CDKAL1: variants seen among roughly 807,000 people sequenced by gnomAD.
CDKAL1 encodes threonylcarbamoyladenosine tRNA methylthiotransferase.
A neutral mutation model predicts 68.2 loss-of-function variants in CDKAL1; 32 were observed. The ratio of observed to expected loss-of-function variants is 0.47; its 90% CI spans 0.35 to 0.63. The LOEUF is 0.63. Ranked by LOEUF, CDKAL1 falls within the 30% of genes least tolerant of loss-of-function variation. The pLI, the probability that CDKAL1 is intolerant of heterozygous loss-of-function variation, is 0.00. For synonymous variants in CDKAL1, 234 were observed against 244.3 expected (o/e 0.96, Z 0.39); for missense variants, 606 against 696.7 (o/e 0.87, Z 1.47).
intron 2 of CDKAL1, among the ~76,000 whole-genome samples, chr6:20,538,924 A>G (rs1763280145): frequency 6.6e-6 from 1 of 152,258 alleles, no homozygotes; most frequent in Non-Finnish European, 1.5e-5. Context: ...TAGAGACAGT[A>G]CTGAAAAAGA....
rs368271295 is a variant in CDKAL1, at chr6:20,984,816, G to T, written c.910-15411G>T. On this transcript the variant is annotated intron_variant, in intron 10 of 15. Coordinates refer to ENST00000274695, the MANE Select transcript of CDKAL1 (RefSeq NM_017774.3). ...GGTTTTTATGGGCACAGTAACGGGG[G>T]GGGGTGGGGAAGGCTATGGGTGGTT... 5.8e-3 allele frequency among the ~76,000 whole-genome samples: 841 copies of T among 145,520 alleles called. 8 individuals are homozygous for T. Among genetic ancestry groups the T allele is most frequent in the African/African-American group, 0.021 (787 of 37,612 alleles).
At chr6:20,566,314 G>A (rs562934011) in intron 4 of CDKAL1, among the ~76,000 whole-genome samples, 9 of 152,004 alleles carry the variant, frequency 5.9e-5, no homozygotes, top group Non-Finnish European at 1.2e-4. Flanking sequence ...CTTCTGTGTG[G>A]CCTAGATATG....
chr6:20,855,159 A>G (rs1414730172), intron 9 of CDKAL1, among the ~76,000 whole-genome samples: 1 of 152,142 alleles, frequency 6.6e-6, no homozygotes, highest in African/African-American at 2.4e-5. Context: ...ACTTGCAGAC[A>G]TGCTGGGCGC....
intron 5 of CDKAL1, among the ~76,000 whole-genome samples, chr6:20,655,127 G>C (rs1458081254): frequency 6.6e-6 from 1 of 152,134 alleles, no homozygotes; most frequent in African/African-American, 2.4e-5. Flanking sequence ...AATTATTCCA[G>C]TGCGTTAAGA....
At chr6:21,031,431 G>C (rs756050863) in intron 11 of CDKAL1, among the ~76,000 whole-genome samples, 2 of 151,714 alleles carry the variant, frequency 1.3e-5, no homozygotes, top group Non-Finnish European at 2.9e-5. Context: ...ACTAATTTGG[G>C]ACCTTAAGTA....
intron 9 of CDKAL1, among the ~76,000 whole-genome samples, chr6:20,853,306 C>T (rs527733888): frequency 7.3e-5 from 11 of 151,044 alleles, no homozygotes; most frequent in African/African-American, 2.4e-4. Flanking sequence ...CATTTGAACC[C>T]GGAAGGTGAG....
In CDKAL1 at chr6:20,891,080, A is replaced by T. The variant is rs143587104; in HGVS notation, c.742+44902A>T. On this transcript the variant is annotated intron_variant, in intron 9 of 15. Transcript: ENST00000274695. ...ACCCTAGGCACAAAAGTAGTAGATG[A>T]CAGAGTCAGGCTTTAAACTCTGACA... Among the ~76,000 whole-genome samples the T allele has an allele frequency of 6.6e-5, 10 of 152,286 alleles. No individual in the cohort carries two copies. In the East Asian group the frequency reaches 1.9e-3, roughly 29 times the overall value.
intron 12 of CDKAL1, among the ~76,000 whole-genome samples, chr6:21,084,543 T>C (rs1336376944): frequency 6.6e-6 from 1 of 152,238 alleles, no homozygotes; most frequent in Non-Finnish European, 1.5e-5. Flanking sequence ...ACTTACCAAA[T>C]CTGCCTGGGT....
chr6:20,828,825 A>G (rs1442619031), intron 8 of CDKAL1, among the ~76,000 whole-genome samples: 2 of 152,108 alleles, frequency 1.3e-5, no homozygotes, highest in Non-Finnish European at 2.9e-5. Flanking sequence ...TTCCCAACCT[A>G]AAACTCTGTA....
intron 8 of CDKAL1, among the ~76,000 whole-genome samples, chr6:20,831,959 G>A (rs894710968): frequency 3.3e-5 from 5 of 152,042 alleles, no homozygotes; most frequent in African/African-American, 7.2e-5. Context: ...TCTGATCGCC[G>A]GCCAGTACGC....
intron 8 of CDKAL1, among the ~76,000 whole-genome samples, chr6:20,786,571 C>T (rs1775684314): frequency 7.0e-6 from 1 of 142,796 alleles, no homozygotes; most frequent in Admixed American, 7.4e-5. Context: ...AATCTCAGCT[C>T]ACTGCAAGCT....
intron 4 of CDKAL1, among the ~76,000 whole-genome samples, chr6:20,648,303 T>C (rs767112568): frequency 2.2e-4 from 33 of 151,988 alleles, no homozygotes; most frequent in Admixed American, 5.9e-4. Flanking sequence ...CTAATTTTTG[T>C]ATTTTTAGTA....
At chr6:20,535,707 G>T (rs1317451536) in intron 2 of CDKAL1, among the ~76,000 whole-genome samples, 1 of 151,944 alleles carries the variant, frequency 6.6e-6, no homozygotes, top group East Asian at 1.9e-4. Context: ...CCTTTATCTG[G>T]CAGTTAAATT....
At chr6:20,625,396 A>C (rs1348727139) in intron 4 of CDKAL1, among the ~76,000 whole-genome samples, 1 of 152,094 alleles carries the variant, frequency 6.6e-6, no homozygotes, top group Non-Finnish European at 1.5e-5. Context: ...TGGTTAGTTG[A>C]AGAAGAATTT....
chr6:20,961,129 C>T (rs1765035159), intron 10 of CDKAL1, among the ~76,000 whole-genome samples: 1 of 152,156 alleles, frequency 6.6e-6, no homozygotes, highest in Non-Finnish European at 1.5e-5. Flanking sequence ...GTATTTAAGA[C>T]ACATGCATGC....
intron 13 of CDKAL1, among the ~76,000 whole-genome samples, chr6:21,164,290 T>C (rs1239175365): frequency 6.6e-6 from 1 of 152,026 alleles, no homozygotes; most frequent in Non-Finnish European, 1.5e-5. Context: ...ATAAACAAGC[T>C]GGGTTTTTTA....
intron 11 of CDKAL1, among the ~76,000 whole-genome samples, chr6:21,031,273 A>G (rs1262035661): frequency 6.6e-6 from 1 of 151,606 alleles, no homozygotes; most frequent in East Asian, 2.0e-4. Flanking sequence ...CGTTTACAAC[A>G]TGGGTGTCTG....
intron 11 of CDKAL1, among the ~76,000 whole-genome samples, chr6:21,007,057 T>G (rs550896732): frequency 6.6e-6 from 1 of 152,306 alleles, no homozygotes; most frequent in East Asian, 1.9e-4. Flanking sequence ...ATTAACTCAT[T>G]ATGTTACCAA....
intron 9 of CDKAL1, among the ~76,000 whole-genome samples, chr6:20,902,710 A>G (rs1762058539): frequency 1.3e-5 from 2 of 152,206 alleles, no homozygotes; most frequent in Admixed American, 1.3e-4. Context: ...AGTGTAGAGT[A>G]AAAACAAATG....
Sources: allele counts gnomAD v4.1 joint callset (sites outside exome capture counted in the v4.1 genomes callset), GRCh38; gene constraint gnomAD v4.1.1; transcripts MANE v1.5; gene names NCBI Gene and HGNC (gene_info 2026-07-23, HGNC 2026-07-21).